The following FARP1 variants were observed in gnomAD, a reference collection of about 807,000 sequenced individuals.
The protein encoded by FARP1 is FERM, ARH/RhoGEF and pleckstrin domain protein 1.
In FARP1, 52 loss-of-function variants were observed where a neutral mutation model predicts 128.8. The observed-to-expected ratio is 0.40, with a 90% confidence interval of 0.32 to 0.51. FARP1 has a LOEUF of 0.51. Among genes scored for constraint, FARP1 ranks in the 20% least tolerant of loss-of-function variants. The probability of loss-of-function intolerance (pLI) is 0.45; values close to 1 mark genes in which losing one functional copy is unlikely to be tolerated. For missense variants in FARP1, 1,333 were observed against 1,367.9 expected, an observed-to-expected ratio of 0.97 and a Z score of 0.40; for synonymous variants, 580 against 551.8, an observed-to-expected ratio of 1.05 and a Z score of -0.72.
At chr13:98,392,707 G>A (rs1271830064) in intron 11 of FARP1, among the ~76,000 whole-genome samples, 2 of 152,040 alleles carry the variant, frequency 1.3e-5, no homozygotes, top group East Asian at 3.9e-4. Flanking sequence ...TCAGTATTTT[G>A]TTTTGATTTT....
chr13:98,310,768 G>A (rs1886422853), intron 2 of FARP1, among the ~76,000 whole-genome samples: 1 of 152,050 alleles, frequency 6.6e-6, no homozygotes, highest in Admixed American at 6.5e-5. Context: ...GTATTTTTGA[G>A]TACACTCAAA....
chr13:98,324,965 A>G (rs1887169730), intron 2 of FARP1, among the ~76,000 whole-genome samples: 1 of 152,194 alleles, frequency 6.6e-6, no homozygotes, highest in Admixed American at 6.5e-5. Flanking sequence ...CCATGCCTTA[A>G]TGCTCTGTTT....
intron 2 of FARP1, among the ~76,000 whole-genome samples, chr13:98,215,430 A>C (rs544943043): frequency 6.6e-6 from 1 of 152,284 alleles, no homozygotes; most frequent in Non-Finnish European, 1.5e-5. Flanking sequence ...CTGGGTTCAA[A>C]TCCCAGCATC....
intron 2 of FARP1, among the ~76,000 whole-genome samples, chr13:98,265,733 G>A (rs2139559367): frequency 6.6e-6 from 1 of 152,160 alleles, no homozygotes; most frequent in East Asian, 1.9e-4. Context: ...TTGCTTAACT[G>A]TAAAAATGTT....
chr13:98,246,111 TTTTGA>T (rs1193811259), intron 2 of FARP1, among the ~76,000 whole-genome samples: 10 of 129,440 alleles, frequency 7.7e-5, no homozygotes, highest in African/African-American at 2.7e-4. Context: ...TTTTTTTTTT[TTTTGA>T]GACGGAGTCT....
chr13:98,213,128 C>A, intron 1 of FARP1, 92 bp from the exon 2 acceptor site: 1 of 999,304 alleles, frequency 1.0e-6, no homozygotes, highest in Non-Finnish European at 1.5e-6. Context: ...GGATGGAGCC[C>A]CCTGCCCACC....
intron 5 of FARP1, among the ~76,000 whole-genome samples, chr13:98,376,421 A>G (rs1463661747): frequency 1.3e-5 from 2 of 152,202 alleles, no homozygotes; most frequent in African/African-American, 2.4e-5. Context: ...AATGACCTCC[A>G]GTTCCAATCA....
chr13:98,395,608 C>A, intron 13 of FARP1, 132 bp downstream of exon 13: 2 of 1,129,764 alleles, frequency 1.8e-6, no homozygotes, highest in Non-Finnish European at 2.5e-6. Context: ...GTCCCGGTCC[C>A]AAACAAATGA....
At chr13:98,423,315 G>T (rs1242605928) in intron 16 of FARP1, among the ~76,000 whole-genome samples, 2 of 150,904 alleles carry the variant, frequency 1.3e-5, no homozygotes, top group African/African-American at 5.0e-5. Context: ...ACCATCATAG[G>T]GTGTATGTAG....
intron 5 of FARP1, among the ~76,000 whole-genome samples, chr13:98,368,756 A>T (rs1309165529): frequency 1.3e-5 from 2 of 152,070 alleles, no homozygotes; most frequent in Non-Finnish European, 2.9e-5. Context: ...GGTTTTGAGG[A>T]TAAGCAGTAT....
chr13:98,169,642 GA>G, intron 1 of FARP1, among the ~76,000 whole-genome samples: 1 of 152,310 alleles, frequency 6.6e-6, no homozygotes, highest in South Asian at 2.1e-4. Context: ...GTTAAAAATG[GA>G]AACTACTATC....
intron 1 of FARP1, among the ~76,000 whole-genome samples, chr13:98,153,299 T>TAC (rs1876161783): frequency 1.8e-5 from 1 of 56,152 alleles, no homozygotes; most frequent in Non-Finnish European, 3.7e-5. Flanking sequence ...TATATATAAA[T>TAC]ATATTTATAT....
intron 1 of FARP1, among the ~76,000 whole-genome samples, chr13:98,186,054 A>C (rs1878845071): frequency 6.6e-6 from 1 of 152,152 alleles, no homozygotes; most frequent in Non-Finnish European, 1.5e-5. Context: ...CAGTGCACTC[A>C]CATTATTGTG....
chr13:98,311,854 T>TG (rs1469606899), intron 2 of FARP1, among the ~76,000 whole-genome samples: 6 of 151,578 alleles, frequency 4.0e-5, no homozygotes, highest in Non-Finnish European at 7.4e-5. Context: ...TGTTTTTTGT[T>TG]TTTTTTTGAG....
chr13:98,326,145 C>A (rs1887224061), intron 2 of FARP1, among the ~76,000 whole-genome samples: 2 of 152,196 alleles, frequency 1.3e-5, no homozygotes, highest in African/African-American at 4.8e-5. Flanking sequence ...AAAGGACAAT[C>A]AGTTGCAGGT....
At chr13:98,430,331 T>G (rs1891962718) in intron 17 of FARP1, among the ~76,000 whole-genome samples, 1 of 152,360 alleles carries the variant, frequency 6.6e-6, no homozygotes, top group Non-Finnish European at 1.5e-5. Flanking sequence ...CAAGTGAGAC[T>G]TGAAGAAAGC....
chr13:98,298,116 G>C (rs529415490), intron 2 of FARP1, among the ~76,000 whole-genome samples: 3 of 152,336 alleles, frequency 2.0e-5, no homozygotes, highest in African/African-American at 7.2e-5. Flanking sequence ...CCAAGCCCCA[G>C]AGCTGCGCAG....
intron 1 of FARP1, among the ~76,000 whole-genome samples, chr13:98,162,647 A>G (rs1174109132): frequency 1.3e-5 from 2 of 152,160 alleles, no homozygotes; most frequent in African/African-American, 4.8e-5. Flanking sequence ...GTCTTCAGAC[A>G]CTATTTATCT....
chr13:98,268,929 G>T (rs1012690524), intron 2 of FARP1, among the ~76,000 whole-genome samples: 5 of 151,074 alleles, frequency 3.3e-5, no homozygotes, highest in Non-Finnish European at 5.9e-5. Flanking sequence ...ACGAGGTTTC[G>T]CCATATTCCC....
Sources: gnomAD v4.1 joint callset for allele counts (sites outside exome capture counted in the v4.1 genomes callset) on GRCh38, gnomAD v4.1.1 for gene constraint, MANE v1.5 for transcripts, NCBI Gene and HGNC (gene_info 2026-07-23, HGNC 2026-07-21) for gene names.